The following IBTK variants were observed in gnomAD, a reference collection of about 807,000 sequenced individuals.
IBTK encodes the protein inhibitor of Bruton tyrosine kinase, also known as BTK-binding protein.
A neutral mutation model predicts 154.9 loss-of-function variants in IBTK; 83 were observed. That is an observed-to-expected ratio of 0.54 (90% CI 0.45 to 0.64). The LOEUF (loss-of-function observed/expected upper bound fraction) is 0.64. IBTK is among the 30% of genes least tolerant of loss of function. The pLI is 0.00. For missense variants in IBTK, 1,332 were observed against 1,584.6 expected, an observed-to-expected ratio of 0.84 and a Z score of 2.71; for synonymous variants, 515 against 536.1, an observed-to-expected ratio of 0.96 and a Z score of 0.54.
At chr6:82,200,005 A>G (rs1241101888) in intron 21 of IBTK, 136 bp downstream of exon 21, 3 of 600,816 alleles carry the variant, frequency 5.0e-6, no homozygotes, top group Non-Finnish European at 8.7e-6. Flanking sequence ...GCAAACTTCA[A>G]CTGGAGTACT....
chr6:82,238,572 G>C (rs947404840), intron 2 of IBTK, among the ~76,000 whole-genome samples: 1 of 151,880 alleles, frequency 6.6e-6, no homozygotes, highest in Admixed American at 6.6e-5. Context: ...CAAGTAGCTA[G>C]GATTACAGGC....
Position 82,196,346 on chromosome 6 carries a change from ATC to A in IBTK, c.3124_3125del (p.Asp1042PhefsTer5). ...GSYAGVGSPRDLQSPDFTTGF... is the reference protein window; with the variant it reads ...GSYAGVGSPRXLQSPDFTTGF... ...CTGTTGTGAAATCAGGGGACTGTAAATCTCTAGGACTACCCACTCCTGCATAG... is the reference window on the plus strand; with the variant it reads ...CTGTTGTGAAATCAGGGGACTGTAAATCTAGGACTACCCACTCCTGCATAG... On this transcript the variant is annotated frameshift_variant, in exon 22 of 29. Transcript: ENST00000306270. LOFTEE classifies it high-confidence loss of function. 6.2e-7 allele frequency: 1 copy of A among 1,610,992 alleles called. No individual in the cohort carries two copies. The highest frequency in any genetic ancestry group is 8.5e-7 in the Non-Finnish European group (1 of 1,178,636).
At chr6:82,171,611 G>A in intron 28 of IBTK, 55 bp from the exon 29 acceptor site, 2 of 1,464,270 alleles carry the variant, frequency 1.4e-6, no homozygotes, top group Non-Finnish European at 9.3e-7. Context: ...AAACTAAGCA[G>A]GATGTATTTG....
intron 7 of IBTK, 21 bp downstream of exon 7, chr6:82,224,047 T>G: frequency 1.6e-6 from 2 of 1,244,390 alleles, no homozygotes; most frequent in Non-Finnish European, 2.3e-6. Flanking sequence ...TTTCCAGATA[T>G]TGTCATTAAG....
chr6:82,196,432 C>G lies in IBTK; in HGVS notation c.3040G>C (p.Gly1014Arg), dbSNP rs1768988779. 1 of 1,603,032 alleles carries G rather than the reference C, an allele frequency of 6.2e-7. No homozygotes were observed. The highest frequency in any genetic ancestry group is 1.1e-5 in the South Asian group (1 of 88,570). The change falls in exon 22 of 29, where the codon GGT becomes CGT. Residue 1014 changes from glycine to arginine, a missense_variant. Gly to Arg is a moderately radical substitution (Grantham distance 125). This residue lies in a region of IBTK where 1,134 missense variants were observed against 1,274.7 expected (regional missense o/e 0.89). Transcript: ENST00000306270. The stretch of plus-strand genomic sequence containing the variant: ...AGAGATTCCACAGAATTGGTCTTAC[C>G]AGACTTTAATAATCCTAAAACATGA... ...SPSSTGLLKS[G>R]KTNSVESLPE... is the part of the protein sequence containing the mutation.
chr6:82,219,351 A>C (rs1218117512), intron 9 of IBTK, among the ~76,000 whole-genome samples: 1 of 152,164 alleles, frequency 6.6e-6, no homozygotes, highest in Non-Finnish European at 1.5e-5. Flanking sequence ...ATAATGACCC[A>C]GTATGTGGAG....
chr6:82,216,388 A>G (rs1769875797), intron 10 of IBTK, 138 bp from the exon 11 acceptor site: 1 of 613,634 alleles, frequency 1.6e-6, no homozygotes, highest in Non-Finnish European at 2.8e-6. Flanking sequence ...TTGAAGAACT[A>G]CATCCTCTCT....
At chr6:82,178,951 T>C (rs1768216907) in intron 26 of IBTK, among the ~76,000 whole-genome samples, 1 of 152,250 alleles carries the variant, frequency 6.6e-6, no homozygotes, top group Non-Finnish European at 1.5e-5. Flanking sequence ...AGCCAGACTA[T>C]GTAGGCCTTG....
chr6:82,238,213 C>T (rs907587216), intron 2 of IBTK, among the ~76,000 whole-genome samples: 1 of 151,524 alleles, frequency 6.6e-6, no homozygotes, highest in African/African-American at 2.4e-5. Flanking sequence ...CACTGCACTC[C>T]AGCCTGGGTA....
At chr6:82,212,231 C>T (rs932258865) in intron 13 of IBTK, among the ~76,000 whole-genome samples, 2 of 152,148 alleles carry the variant, frequency 1.3e-5, no homozygotes, top group Non-Finnish European at 2.9e-5. Context: ...GGTGATCCAC[C>T]TGCCTCGGCC....
chr6:82,219,105 C>T (rs1034517447), intron 9 of IBTK, among the ~76,000 whole-genome samples: 14 of 152,100 alleles, frequency 9.2e-5, no homozygotes, highest in African/African-American at 3.4e-4. Flanking sequence ...CAAACTGGAG[C>T]TCTAATTCTT....
rs779368621 is a variant in IBTK, at chr6:82,191,218, T to G, written c.3432-2A>C. On this transcript the variant is annotated splice_acceptor_variant, in intron 24 of 28. Transcript: ENST00000306270. LOFTEE classifies it high-confidence loss of function. Reference sequence around the variant, plus strand: ...TTAACTCCATGAGAAACTGTTTTGCTAGAAATTAAACCAATTAGTTTCAGT... The same window carrying G: ...TTAACTCCATGAGAAACTGTTTTGCGAGAAATTAAACCAATTAGTTTCAGT... 3.7e-6 allele frequency: 6 copies of G among 1,603,238 alleles called. No individual in the cohort carries two copies.
At chr6:82,197,616 C>T (rs1769049463) in intron 21 of IBTK, among the ~76,000 whole-genome samples, 1 of 152,106 alleles carries the variant, frequency 6.6e-6, no homozygotes, top group African/African-American at 2.4e-5. Context: ...TGTGGTCCGC[C>T]CGCCTTGGCC....
chr6:82,189,113 G>A (rs1213364447), intron 25 of IBTK: 6 of 395,110 alleles, frequency 1.5e-5, no homozygotes, highest in Admixed American at 1.0e-4. Flanking sequence ...AGAAAACAGT[G>A]AGGAGGAAAA....
At chr6:82,172,545 C>A (rs765476197) in intron 27 of IBTK, 33 bp from the exon 28 acceptor site, 8 of 1,576,018 alleles carry the variant, frequency 5.1e-6, no homozygotes, top group South Asian at 1.2e-5. Context: ...TTTCATTCAT[C>A]TTCCTAAATT....
Position 82,219,552 on chromosome 6 carries a change from T to A in IBTK, c.1248+1038A>T, listed in dbSNP as rs1220761242. 5.9e-5 allele frequency among the ~76,000 whole-genome samples: 9 copies of A among 151,734 alleles called. No individual in the cohort carries two copies. The East Asian group carries it at 1.5e-3, about 26-fold the overall frequency. ...ATATAATTTTTAAAATCTAAATATATTATTTAGAGATGGCTCCCACCCTCC... is the reference window on the plus strand; with the variant it reads ...ATATAATTTTTAAAATCTAAATATAATATTTAGAGATGGCTCCCACCCTCC... On this transcript the variant is annotated intron_variant, in intron 9 of 28. Transcript: ENST00000306270.
At chr6:82,197,650 C>A (rs968850654) in intron 21 of IBTK, among the ~76,000 whole-genome samples, 1 of 152,174 alleles carries the variant, frequency 6.6e-6, no homozygotes, top group African/African-American at 2.4e-5. Context: ...GGATTACAGG[C>A]AGGAGCCACT....
intron 25 of IBTK, among the ~76,000 whole-genome samples, chr6:82,188,033 T>C (rs1023032719): frequency 1.7e-4 from 26 of 152,062 alleles, no homozygotes; most frequent in South Asian, 1.5e-3. Context: ...ATTAAAAGGC[T>C]GCTCTTTAGA....
chr6:82,224,016 T>G (rs1447256669), intron 7 of IBTK, 52 bp downstream of exon 7: 2 of 986,786 alleles, frequency 2.0e-6, no homozygotes, highest in African/African-American at 1.6e-5. Flanking sequence ...AAAAGATAAT[T>G]TTTTAAAGAG....
Sources: allele counts gnomAD v4.1 joint callset (sites outside exome capture counted in the v4.1 genomes callset), GRCh38; gene constraint gnomAD v4.1.1; regional missense constraint gnomAD v4.1.1; transcripts MANE v1.5; gene names NCBI Gene and HGNC (gene_info 2026-07-23, HGNC 2026-07-21).